Variants in NANOS3 observed in about 807,000 individuals in gnomAD.
NANOS3 encodes nanos homolog 3.
A neutral mutation model predicts 13.8 loss-of-function variants in NANOS3; 11 were observed. The ratio of observed to expected loss-of-function variants is 0.80; its 90% CI spans 0.50 to 1.32. The LOEUF (loss-of-function observed/expected upper bound fraction) is 1.32. NANOS3 is among the 40% of genes most tolerant of loss of function. The pLI is 0.00. For missense variants in NANOS3, 221 were observed against 263.8 expected (o/e 0.84, Z 1.12); for synonymous variants, 119 against 115.4 (o/e 1.03, Z -0.20).
At chr19:13,867,281 G>GCTGC (rs1489205477) in intron 1 of NANOS3, among the ~76,000 whole-genome samples, 1 of 152,048 alleles carries the variant, frequency 6.6e-6, no homozygotes, top group Non-Finnish European at 1.5e-5. Context: ...GTCTCACTCT[G>GCTGC]CTGCCTAGGC....
upstream of NANOS3, among the ~76,000 whole-genome samples, chr19:13,864,977 G>A (rs911292736): frequency 3.3e-5 from 5 of 151,956 alleles, no homozygotes; most frequent in African/African-American, 9.7e-5. Flanking sequence ...TGCTCCCCCC[G>A]GCGCCTTTGA....
At chr19:13,865,936 G>T (rs1429294731) in intron 1 of NANOS3, among the ~76,000 whole-genome samples, 1 of 151,920 alleles carries the variant, frequency 6.6e-6, no homozygotes, top group African/African-American at 2.4e-5. Flanking sequence ...CGGCGCGCGC[G>T]CGTTCGTGAA....
At chr19:13,862,739 A>G (rs1568360326), upstream of NANOS3, among the ~76,000 whole-genome samples, 1 of 151,940 alleles carries the variant, frequency 6.6e-6, no homozygotes, top group Non-Finnish European at 1.5e-5. Flanking sequence ...AGATTTCACC[A>G]TGTTGGTCAG....
chr19:13,863,220 T>A (rs1976183071), upstream of NANOS3, among the ~76,000 whole-genome samples: 1 of 151,922 alleles, frequency 6.6e-6, no homozygotes, highest in Non-Finnish European at 1.5e-5. Context: ...AATACGCTCT[T>A]TTTTTTAGAG....
At chr19:13,870,692 C>G (rs953419129) in intron 1 of NANOS3, among the ~76,000 whole-genome samples, 1 of 151,336 alleles carries the variant, frequency 6.6e-6, no homozygotes, top group Non-Finnish European at 1.5e-5. Flanking sequence ...CTCAGCCTCC[C>G]AAGTAGCTGG....
At chr19:13,871,698 G>T (rs1358666574) in intron 1 of NANOS3, among the ~76,000 whole-genome samples, 1 of 152,140 alleles carries the variant, frequency 6.6e-6, no homozygotes, top group Non-Finnish European at 1.5e-5. Flanking sequence ...CATTAAAGCT[G>T]TTCACAGTCA....
chr19:13,880,259 CGGGCTCT>C (rs2145085014), intron 1 of NANOS3, among the ~76,000 whole-genome samples, 176 bp from the exon 2 acceptor site: 1 of 152,240 alleles, frequency 6.6e-6, no homozygotes, highest in South Asian at 2.1e-4. Flanking sequence ...TGCTTTGTCT[CGGGCTCT>C]GGGTCCCAGC....
chr19:13,873,895 TG>T (rs1190114434), upstream of NANOS3, among the ~76,000 whole-genome samples: 7 of 67,394 alleles, frequency 1.0e-4, no homozygotes, highest in Non-Finnish European at 2.1e-4. Context: ...CCTGTAGGCC[TG>T]GGGGCACCCG....
At chr19:13,875,679 G>A (rs80106565), upstream of NANOS3, among the ~76,000 whole-genome samples, 599 of 151,966 alleles carry the variant, frequency 3.9e-3, 1 homozygote, top group Non-Finnish European at 6.4e-3. Flanking sequence ...CCCAGTAGCC[G>A]GAACCACGGG....
upstream of NANOS3, among the ~76,000 whole-genome samples, chr19:13,875,780 G>A (rs1968497487): frequency 6.6e-6 from 1 of 151,966 alleles, no homozygotes; most frequent in Non-Finnish European, 1.5e-5. Flanking sequence ...CAACTCCTAG[G>A]TTCAAGCAAT....
upstream of NANOS3, among the ~76,000 whole-genome samples, chr19:13,864,781 G>A (rs889993277): frequency 6.6e-6 from 1 of 152,088 alleles, no homozygotes; most frequent in East Asian, 1.9e-4. Context: ...TGAATGTGGT[G>A]TGTCTGTGTA....
At chr19:13,874,837 TA>T (rs771090472), upstream of NANOS3, 3 of 527,846 alleles carry the variant, frequency 5.7e-6, no homozygotes, top group Non-Finnish European at 1.2e-5. Context: ...CTTCCAGATC[TA>T]GGGGGGCCTG....
chr19:13,863,218 C>T (rs1348315033), upstream of NANOS3, among the ~76,000 whole-genome samples: 1 of 151,800 alleles, frequency 6.6e-6, no homozygotes, highest in Non-Finnish European at 1.5e-5. Context: ...CCAATACGCT[C>T]TTTTTTTTAG....
intron 1 of NANOS3, among the ~76,000 whole-genome samples, chr19:13,871,901 A>AGGTGGGAGGATTGGTTGGG (rs1199262643): frequency 5.3e-5 from 8 of 152,126 alleles, no homozygotes; most frequent in African/African-American, 1.9e-4. Context: ...TGGGAAGCTA[A>AGGTGGGAGGATTGGTTGGG]GGTGGGAGGA....
At chr19:13,864,185 T>C (rs1460428673), upstream of NANOS3, among the ~76,000 whole-genome samples, 9 of 150,784 alleles carry the variant, frequency 6.0e-5, no homozygotes, top group African/African-American at 2.2e-4. Flanking sequence ...TCCAGCCTTG[T>C]GCATGCTCTT....
At chr19:13,872,637 G>A (rs189735354), upstream of NANOS3, among the ~76,000 whole-genome samples, 7 of 152,322 alleles carry the variant, frequency 4.6e-5, no homozygotes, top group East Asian at 1.3e-3. Context: ...AGTCCTAGGC[G>A]TTCTCCTCCT....
chr19:13,878,075 A>T (rs1251392003), intron 1 of NANOS3, among the ~76,000 whole-genome samples: 1 of 151,260 alleles, frequency 6.6e-6, no homozygotes, highest in Non-Finnish European at 1.5e-5. Flanking sequence ...CACCCGGCTA[A>T]TTGCCACCAT....
upstream of NANOS3, among the ~76,000 whole-genome samples, chr19:13,874,020 G>T (rs1039757035): frequency 4.6e-5 from 7 of 152,074 alleles, no homozygotes; most frequent in Non-Finnish European, 1.5e-5. Flanking sequence ...AGGCCCAAGG[G>T]GCAGCCCCCA....
upstream of NANOS3, among the ~76,000 whole-genome samples, chr19:13,873,824 C>T (rs1968446845): frequency 6.6e-6 from 1 of 151,140 alleles, no homozygotes; most frequent in South Asian, 2.1e-4. Context: ...GGCGAAGGCG[C>T]GCTCGCCCAT....
Sources: allele counts gnomAD v4.1 joint callset (sites outside exome capture counted in the v4.1 genomes callset), GRCh38; gene constraint gnomAD v4.1.1; transcripts MANE v1.5; gene names NCBI Gene and HGNC (gene_info 2026-07-23, HGNC 2026-07-21).